Variants in DLC1 observed in about 807,000 individuals in gnomAD.
The protein encoded by DLC1 is rho GTPase-activating protein 7.
Under a neutral mutation model 140.3 loss-of-function variants are expected in DLC1, and 54 were observed. That is an observed-to-expected ratio of 0.38 (90% CI 0.31 to 0.48). DLC1 has a LOEUF of 0.48. Among genes scored for constraint, DLC1 ranks in the 20% least tolerant of loss-of-function variants. The pLI is 0.96. For synonymous variants in DLC1, 986 were observed against 728.1 expected, an observed-to-expected ratio of 1.35 and a Z score of -5.70; for missense variants, 2,536 against 1,907.0, an observed-to-expected ratio of 1.33 and a Z score of -6.14.
intron 1 of DLC1, among the ~76,000 whole-genome samples, chr8:13,587,608 TA>T (rs1805374786): frequency 1.2e-5 from 1 of 86,712 alleles, no homozygotes; most frequent in African/African-American, 5.3e-5. Flanking sequence ...ATTGCATATA[TA>T]TATATATATA....
intron 1 of DLC1, among the ~76,000 whole-genome samples, chr8:13,588,189 C>T (rs373679867): frequency 6.6e-6 from 1 of 151,928 alleles, no homozygotes; most frequent in Non-Finnish European, 1.5e-5. Flanking sequence ...GCAGAGAAAA[C>T]AGATGAACAA....
chr8:13,185,117 C>G (rs1454166664), intron 5 of DLC1, among the ~76,000 whole-genome samples: 1 of 144,284 alleles, frequency 6.9e-6, no homozygotes, highest in African/African-American at 2.7e-5. Flanking sequence ...GGATTGCAAC[C>G]CCTGCTTTTT....
intron 5 of DLC1, among the ~76,000 whole-genome samples, chr8:13,288,534 C>T (rs1265985150): frequency 6.6e-6 from 1 of 152,172 alleles, no homozygotes; most frequent in Non-Finnish European, 1.5e-5. Flanking sequence ...CTCAGATCTT[C>T]CTTTCCAGTA....
At chr8:13,109,677 G>C (rs1280062432) in intron 7 of DLC1, among the ~76,000 whole-genome samples, 1 of 148,050 alleles carries the variant, frequency 6.8e-6, no homozygotes, top group Non-Finnish European at 1.5e-5. Context: ...CTGAGGTTAG[G>C]AATTTGAGAC....
At chr8:13,302,620 T>C (rs188292951) in intron 5 of DLC1, among the ~76,000 whole-genome samples, 16 of 151,706 alleles carry the variant, frequency 1.1e-4, no homozygotes, top group Admixed American at 7.9e-4. Context: ...CCTGGTAGAG[T>C]TGGTTCCAGT....
intron 5 of DLC1, among the ~76,000 whole-genome samples, chr8:13,241,395 C>A (rs143818706): frequency 6.6e-6 from 1 of 152,260 alleles, no homozygotes; most frequent in Non-Finnish European, 1.5e-5. Flanking sequence ...GCTAACATTT[C>A]CAACCTGATT....
intron 2 of DLC1, among the ~76,000 whole-genome samples, chr8:13,450,955 C>G (rs949538039): frequency 2.2e-5 from 3 of 134,994 alleles, no homozygotes; most frequent in Non-Finnish European, 4.6e-5. Flanking sequence ...AGGAGAATCA[C>G]TTGAAACCGG....
intron 5 of DLC1, among the ~76,000 whole-genome samples, chr8:13,259,023 G>C (rs1830372877): frequency 6.6e-6 from 1 of 151,430 alleles, no homozygotes; most frequent in African/African-American, 2.4e-5. Context: ...TGTACTCCCA[G>C]CTACTCTGGA....
intron 1 of DLC1, among the ~76,000 whole-genome samples, chr8:13,513,750 A>G (rs1460481356): frequency 3.3e-5 from 5 of 152,218 alleles, no homozygotes; most frequent in African/African-American, 1.2e-4. Flanking sequence ...TACCTTGAAG[A>G]GACTACAGTC....
At chr8:13,257,622 C>T (rs1830293285) in intron 5 of DLC1, among the ~76,000 whole-genome samples, 1 of 151,450 alleles carries the variant, frequency 6.6e-6, no homozygotes, top group South Asian at 2.1e-4. Flanking sequence ...CTGTATTCAA[C>T]ATTAAAAATT....
chr8:13,225,394 A>C (rs1042526375), intron 5 of DLC1, among the ~76,000 whole-genome samples: 1 of 152,100 alleles, frequency 6.6e-6, no homozygotes, highest in African/African-American at 2.4e-5. Context: ...GTTGGCACCT[A>C]CAACCAGGGA....
chr8:13,128,316 G>A (rs956975247), intron 5 of DLC1, among the ~76,000 whole-genome samples: 5 of 152,212 alleles, frequency 3.3e-5, no homozygotes, highest in African/African-American at 1.2e-4. Context: ...TTAGAAAATG[G>A]TATCCCAGAA....
intron 5 of DLC1, among the ~76,000 whole-genome samples, chr8:13,278,216 C>T (rs984323763): frequency 6.6e-6 from 1 of 152,196 alleles, no homozygotes; most frequent in African/African-American, 2.4e-5. Context: ...CGTGCCTGCA[C>T]GGGCCAATTC....
At chr8:13,503,532 CA>C (rs1246645697) in intron 1 of DLC1, among the ~76,000 whole-genome samples, 6 of 152,032 alleles carry the variant, frequency 3.9e-5, no homozygotes. Flanking sequence ...AATAGAAGAC[CA>C]CCTTATAATT....
At chr8:13,116,791 T>C (rs1820592903) in intron 5 of DLC1, among the ~76,000 whole-genome samples, 1 of 152,050 alleles carries the variant, frequency 6.6e-6, no homozygotes. Context: ...AGAAAAAAAA[T>C]AACCTGCCAT....
At chr8:13,336,387 T>C (rs1833811750) in intron 4 of DLC1, among the ~76,000 whole-genome samples, 1 of 152,218 alleles carries the variant, frequency 6.6e-6, no homozygotes, top group African/African-American at 2.4e-5. Flanking sequence ...ATATTAATTT[T>C]TCAGACTACG....
intron 5 of DLC1, among the ~76,000 whole-genome samples, chr8:13,252,124 ATTGAAC>A (rs1830033066): frequency 6.6e-6 from 1 of 152,188 alleles, no homozygotes; most frequent in Non-Finnish European, 1.5e-5. Context: ...TAATTTTGTC[ATTGAAC>A]TTGTCCTAAG....
intron 5 of DLC1, among the ~76,000 whole-genome samples, chr8:13,201,558 A>G (rs1478334897): frequency 6.6e-6 from 1 of 152,258 alleles, no homozygotes; most frequent in Admixed American, 6.5e-5. Context: ...AATTTCTAAT[A>G]TATTAGAATA....
intron 5 of DLC1, among the ~76,000 whole-genome samples, chr8:13,280,813 A>G (rs529304504): frequency 2.0e-5 from 3 of 152,346 alleles, no homozygotes; most frequent in South Asian, 4.1e-4. Flanking sequence ...ATGATGGGAA[A>G]TGAAAAGCTT....
Sources: gnomAD v4.1 joint callset for allele counts (sites outside exome capture counted in the v4.1 genomes callset) on GRCh38, gnomAD v4.1.1 for gene constraint, MANE v1.5 for transcripts, NCBI Gene and HGNC (gene_info 2026-07-23, HGNC 2026-07-21) for gene names.